The following FIGNL2 variants were observed in gnomAD, a reference collection of about 807,000 sequenced individuals.
FIGNL2 encodes fidgetin like 2, also known as fidgetin-like protein 2.
For synonymous variants in FIGNL2, 565 were observed against 484.0 expected (o/e 1.17, Z -2.20); for missense variants, 1,060 against 950.2 (o/e 1.12, Z -1.52).
At position 51,818,397 on chromosome 12, in the gene FIGNL2, C is replaced by T. The variant is rs917955990; in HGVS notation, c.*2055G>A. 2 of 143,854 alleles carry T rather than the reference C, an allele frequency of 1.4e-5. No homozygotes were observed. Among genetic ancestry groups the T allele is most frequent in the African/African-American group, 5.0e-5 (2 of 39,728 alleles). The allele number at this position is 143,854 out of a possible 1,614,324, so 8.9% of individuals were successfully genotyped here. On this transcript the variant is annotated 3_prime_UTR_variant, in exon 2 of 2. Transcript: ENST00000618634. ...ACCCACCCCCACCCCCCAATACATA[C>T]ACACCTGAGAGAGAACCCCTCACTC...
At chr12:51,833,309 C>T (rs534176618) in intron 1 of FIGNL2, among the ~76,000 whole-genome samples, 1 of 152,290 alleles carries the variant, frequency 6.6e-6, no homozygotes, top group Admixed American at 6.5e-5. Context: ...CTTCCTTGGC[C>T]TCCAAAGGGC....
chr12:51,822,446 T>C, intron 1 of FIGNL2, 22 bp from the exon 2 acceptor site: 3 of 1,610,818 alleles, frequency 1.9e-6, no homozygotes, highest in Non-Finnish European at 2.5e-6. Context: ...AGACAGGAGG[T>C]CTGGTGAGGT....
intron 1 of FIGNL2, among the ~76,000 whole-genome samples, chr12:51,826,821 G>A (rs952003944): frequency 1.3e-5 from 2 of 152,106 alleles, no homozygotes; most frequent in Non-Finnish European, 2.9e-5. Flanking sequence ...GAGAAGAGTG[G>A]GTGAGATTGC....
At chr12:51,843,553 A>G (rs865927686) in intron 1 of FIGNL2, among the ~76,000 whole-genome samples, 5 of 151,948 alleles carry the variant, frequency 3.3e-5, no homozygotes, top group South Asian at 4.2e-4. Flanking sequence ...TCAAAAAAAA[A>G]AAAAAAGAGT....
intron 1 of FIGNL2, among the ~76,000 whole-genome samples, chr12:51,838,267 G>A (rs764586727): frequency 6.6e-6 from 1 of 152,216 alleles, no homozygotes; most frequent in Non-Finnish European, 1.5e-5. Context: ...GCTGGGAGCT[G>A]GATCTCCATT....
chr12:51,831,715 T>C (rs1290753090), intron 1 of FIGNL2: 1 of 154,418 alleles, frequency 6.5e-6, no homozygotes, highest in Non-Finnish European at 1.5e-5. Context: ...TCCCACCCTC[T>C]TTCAAGAAAG....
chr12:51,834,109 TTGGATGGATGGA>T (rs75418518), intron 1 of FIGNL2, among the ~76,000 whole-genome samples: 4 of 133,902 alleles, frequency 3.0e-5, no homozygotes, highest in Admixed American at 7.3e-5. Context: ...GGATGGATGG[TTGGATGGATGGA>T]TGGATGGATG....
Position 51,848,713 on chromosome 12 carries a change from G to C in FIGNL2, c.-185C>G, listed in dbSNP as rs914849214. On this transcript the variant is annotated 5_prime_UTR_variant, in exon 1 of 2. Transcript: ENST00000618634. ...TGCTGCGGCCGCCGCGGGCGGGAGC[G>C]GGACTGGGCAGTGGGGGTGGCCGGA... The C allele has an allele frequency of 3.3e-5, 7 of 213,986 alleles. No individual in the cohort carries two copies. Among genetic ancestry groups the C allele is most frequent in the Admixed American group, 6.5e-5 (1 of 15,316 alleles). The allele number at this position is 213,986 out of a possible 1,614,324, so 13.3% of individuals were successfully genotyped here. A position where few individuals can be genotyped will look rare whatever the true frequency, so the allele number is the denominator to read the frequency against.
In FIGNL2 at chr12:51,820,866, G is replaced by A; in HGVS notation, c.1548C>T (p.Ala516=). 13 of 1,405,954 alleles carry A rather than the reference G, an allele frequency of 9.2e-6. No homozygotes were observed. The highest frequency in any genetic ancestry group is 1.2e-5 in the Non-Finnish European group (13 of 1,087,556). 87.1% of individuals were successfully genotyped at this position (1,405,954 alleles called of 1,614,324 possible). ...AGGALQVPLL[A]CLDGGCGAGA... Reference sequence around the variant, plus strand: ...CCGCGCCGCAGCCCCCGTCCAGGCAGGCCAGGAGCGGCACCTGCAGCGCGC... The same window carrying A: ...CCGCGCCGCAGCCCCCGTCCAGGCAAGCCAGGAGCGGCACCTGCAGCGCGC... The change falls in exon 2 of 2, where the codon GCC becomes GCT. Residue 516 remains alanine, a synonymous_variant. Transcript: ENST00000618634.
At chr12:51,845,736 AGG>A in intron 1 of FIGNL2, 1 of 901,080 alleles carries the variant, frequency 1.1e-6, no homozygotes, top group Non-Finnish European at 1.3e-6. Flanking sequence ...AGGGGAAGGC[AGG>A]GCTCCTAAGG....
At chr12:51,827,061 G>T (rs962154246) in intron 1 of FIGNL2, among the ~76,000 whole-genome samples, 5 of 152,228 alleles carry the variant, frequency 3.3e-5, no homozygotes, top group Non-Finnish European at 7.3e-5. Flanking sequence ...CGCTATAGGT[G>T]GAAAATGCTG....
intron 1 of FIGNL2, among the ~76,000 whole-genome samples, chr12:51,832,538 C>T (rs887148613): frequency 2.6e-5 from 4 of 152,046 alleles, no homozygotes; most frequent in African/African-American, 9.7e-5. Flanking sequence ...CCTGCGCTCT[C>T]CTGGCCCCTG....
rs970448639 is a variant in FIGNL2 at position 51,821,682 on chromosome 12, C to CGGCGCGGGCAGGGGCGTG, written c.714_731dup (p.Thr239_Pro244dup). ...GGAAGCCATAGGCGGTGGGCGGTGC[C>CGGCGCGGGCAGGGGCGTG]GGCGCGGGCAGGGGCGTGGGCGCGG... On this transcript the variant is annotated inframe_insertion, in exon 2 of 2. Coordinates refer to ENST00000618634, the MANE Select transcript of FIGNL2 (RefSeq NM_001384995.1). 49 of 1,360,244 alleles carry CGGCGCGGGCAGGGGCGTG rather than the reference C, an allele frequency of 3.6e-5. No homozygotes were observed. Among genetic ancestry groups the CGGCGCGGGCAGGGGCGTG allele is most frequent in the East Asian group, 9.9e-5 (3 of 30,444 alleles). The allele number at this position is 1,360,244 out of a possible 1,614,324, so 84.3% of individuals were successfully genotyped here.
At chr12:51,825,041 T>C (rs559818490) in intron 1 of FIGNL2, among the ~76,000 whole-genome samples, 1 of 151,562 alleles carries the variant, frequency 6.6e-6, no homozygotes, top group South Asian at 2.1e-4. Context: ...TGAGACTCCA[T>C]CTCAAAACAA....
chr12:51,846,991 C>T, intron 1 of FIGNL2: 5 of 983,378 alleles, frequency 5.1e-6, no homozygotes, highest in Non-Finnish European at 6.0e-6. Flanking sequence ...GCAAGCCCCG[C>T]CCCTTTCCTC....
chr12:51,830,841 T>C (rs1182168969), intron 1 of FIGNL2, among the ~76,000 whole-genome samples: 1 of 151,786 alleles, frequency 6.6e-6, no homozygotes. Context: ...CAGGCTGGAG[T>C]GCAGTGGCGA....
intron 1 of FIGNL2, among the ~76,000 whole-genome samples, chr12:51,827,658 A>G (rs1389883013): frequency 6.6e-6 from 1 of 152,236 alleles, no homozygotes; most frequent in Non-Finnish European, 1.5e-5. Context: ...CAGTGCCCCA[A>G]CCTTGCTGAG....
Position 51,820,856 on chromosome 12 carries a change from C to T in FIGNL2, c.1558G>A (p.Gly520Arg). ...CCGTCAGCCCCCGCGCCGCAGCCCC[C>T]GTCCAGGCAGGCCAGGAGCGGCACC... ...LQVPLLACLD[G>R]GCGAGADGVL... Residue 520 changes from glycine (G) to arginine (R), a missense_variant, in exon 2 of 2, where the codon GGG (glycine) becomes AGG (arginine). By Grantham distance (125) the Gly-to-Arg change is moderately radical. Transcript: ENST00000618634. The T allele has an allele frequency of 2.1e-6, 3 of 1,448,736 alleles. No homozygotes were observed. The highest frequency in any genetic ancestry group is 1.8e-6 in the Non-Finnish European group (2 of 1,107,414). The allele number at this position is 1,448,736 out of a possible 1,614,324, so 89.7% of individuals were successfully genotyped here.
Position 51,821,004 on chromosome 12 carries a change from C to A in FIGNL2, c.1410G>T (p.Ala470=). ...CCGCGAAGGCGGCCTGGAGGAGGCG[C>A]GCGCCCTCGGCGGCGCCGGGCGCAG... The part of the protein sequence containing the change: ...TLAAPGAAEG[A]RLLQAAFAAA... Residue 470 remains alanine (A), a synonymous_variant, in exon 2 of 2, where the codon GCG becomes GCT. Transcript: ENST00000618634. The A allele has an allele frequency of 8.4e-7, 1 of 1,187,872 alleles. No individual in the cohort carries two copies. The highest frequency in any genetic ancestry group is 1.0e-6 in the Non-Finnish European group (1 of 961,584). 73.6% of individuals were successfully genotyped at this position (1,187,872 alleles called of 1,614,324 possible).
Sources: gnomAD v4.1 joint callset for allele counts (sites outside exome capture counted in the v4.1 genomes callset) on GRCh38, gnomAD v4.1.1 for gene constraint, MANE v1.5 for transcripts, NCBI Gene and HGNC (gene_info 2026-07-23, HGNC 2026-07-21) for gene names.